Variants in EHF observed in about 807,000 individuals in gnomAD.
EHF encodes ETS homologous factor, also known as ESE3 transcription factor.
Under a neutral mutation model 45.1 loss-of-function variants are expected in EHF, and 14 were observed. That is an observed-to-expected ratio of 0.31 (90% CI 0.21 to 0.49). The LOEUF is 0.49. Ranked by LOEUF, EHF falls within the 20% of genes least tolerant of loss-of-function variation. EHF has a pLI of 0.99. For synonymous variants in EHF, 136 were observed against 131.8 expected (o/e 1.03, Z -0.22); for missense variants, 282 against 371.4 (o/e 0.76, Z 1.98).
intron 1 of EHF, among the ~76,000 whole-genome samples, chr11:34,626,046 T>C (rs1852349101): frequency 6.6e-6 from 1 of 152,346 alleles, no homozygotes; most frequent in African/African-American, 2.4e-5. Context: ...ACAGACCACC[T>C]CATTAACCCT....
chr11:34,647,049 A>AAAAAAAC (rs920214722), intron 3 of EHF, among the ~76,000 whole-genome samples: 13 of 151,282 alleles, frequency 8.6e-5, no homozygotes, highest in Non-Finnish European at 1.0e-4. Flanking sequence ...GGTTACAAAA[A>AAAAAAAC]AAAAAACAAA....
intron 1 of EHF, among the ~76,000 whole-genome samples, chr11:34,637,946 G>C (rs1056635624): frequency 1.3e-5 from 2 of 149,900 alleles, no homozygotes; most frequent in Non-Finnish European, 2.9e-5. Context: ...CTGTTGCCCA[G>C]GCTGGAGTAC....
At chr11:34,622,555 C>T (rs1432128805) in intron 1 of EHF, 1 of 313,804 alleles carries the variant, frequency 3.2e-6, no homozygotes, top group East Asian at 1.3e-4. Context: ...GGAAGAATTT[C>T]ATGGCTAGGA....
At chr11:34,654,734 T>C (rs1590543666) in intron 6 of EHF, among the ~76,000 whole-genome samples, 2 of 152,152 alleles carry the variant, frequency 1.3e-5, no homozygotes, top group Admixed American at 6.5e-5. Context: ...TGCATTTTTT[T>C]CTGAGGAGAG....
chr11:34,622,232 C>A, intron 1 of EHF: 1 of 244,934 alleles, frequency 4.1e-6, no homozygotes. Flanking sequence ...GCTGATTTAC[C>A]ATGCTCCCAG....
At chr11:34,645,022 G>A (rs1047764597) in intron 2 of EHF, among the ~76,000 whole-genome samples, 4 of 152,182 alleles carry the variant, frequency 2.6e-5, no homozygotes, top group Non-Finnish European at 5.9e-5. Flanking sequence ...GTCACGTTCT[G>A]TTGGATTTCC....
At position 34,659,033 on chromosome 11, in the gene EHF, T is replaced by A; in HGVS notation, c.*102T>A. 1 of 886,174 alleles carries A rather than the reference T, an allele frequency of 1.1e-6. No individual in the cohort carries two copies. Among genetic ancestry groups the A allele is most frequent in the Non-Finnish European group, 1.7e-6 (1 of 587,806 alleles). 54.9% of individuals were successfully genotyped at this position (886,174 alleles called of 1,614,324 possible). A position where few individuals can be genotyped will look rare whatever the true frequency, so the allele number is the denominator to read the frequency against. On this transcript the variant is annotated 3_prime_UTR_variant, in exon 9 of 9. Transcript: ENST00000257831. ...TCAAAGACTACTTTTCTCTGATATT[T>A]ATGTACCATGAGGGGAACAAGAAAC...
intron 2 of EHF, among the ~76,000 whole-genome samples, chr11:34,643,459 T>C (rs1854223868): frequency 6.6e-6 from 1 of 152,202 alleles, no homozygotes; most frequent in Non-Finnish European, 1.5e-5. Context: ...TCTGGGCCTC[T>C]TCTCAATCCA....
chr11:34,638,336 AC>A (rs1853653451), intron 1 of EHF, among the ~76,000 whole-genome samples: 1 of 152,182 alleles, frequency 6.6e-6, no homozygotes, highest in African/African-American at 2.4e-5. Flanking sequence ...TGGCTCTGAT[AC>A]CCAGTGTATT....
Position 34,659,917 on chromosome 11 carries a change from AC to A in EHF, c.*992del. The A allele has an allele frequency of 6.6e-6, 1 of 151,990 alleles. No homozygotes were observed. The highest frequency in any genetic ancestry group is 6.6e-5 in the Admixed American group (1 of 15,246). The allele number at this position is 151,990 out of a possible 1,614,324, so 9.4% of individuals were successfully genotyped here. ...GGTCTCTAACCACTTGACACCAGAA[AC>A]CCCCCAGCTGTGATAACGCAAAATG... On this transcript the variant is annotated 3_prime_UTR_variant, in exon 9 of 9. Transcript: ENST00000257831.
rs1856175712 is a variant in EHF, at chr11:34,662,926, A to G, written c.*3995A>G. ...AATTATCCTCAGTGTAGCTTCTTGGAATTCAGTTTCTGGAACTAGAGATAG... is the reference window on the plus strand; with the variant it reads ...AATTATCCTCAGTGTAGCTTCTTGGGATTCAGTTTCTGGAACTAGAGATAG... On this transcript the variant is annotated 3_prime_UTR_variant, in exon 9 of 9. Coordinates refer to ENST00000257831, the MANE Select transcript of EHF (RefSeq NM_012153.6). 6.6e-6 allele frequency among the ~76,000 whole-genome samples: 1 copy of G among 152,114 alleles called. No homozygotes were observed. Among genetic ancestry groups the G allele is most frequent in the Non-Finnish European group, 1.5e-5 (1 of 68,012 alleles).
intron 1 of EHF, chr11:34,622,143 T>C: frequency 4.5e-6 from 1 of 223,424 alleles, no homozygotes; most frequent in Non-Finnish European, 9.0e-6. Flanking sequence ...TGGACTGATC[T>C]GGGAACAGTG....
At chr11:34,636,755 G>C (rs372225416) in intron 1 of EHF, among the ~76,000 whole-genome samples, 2 of 152,234 alleles carry the variant, frequency 1.3e-5, no homozygotes, top group East Asian at 3.9e-4. Context: ...CACCACGGCC[G>C]GGCCCGGTGG....
Position 34,662,008 on chromosome 11 carries a change from A to G in EHF, c.*3077A>G, listed in dbSNP as rs1049786297. On this transcript the variant is annotated 3_prime_UTR_variant, in exon 9 of 9. Transcript: ENST00000257831. ...TAAGCAACAGTTTCTTGAATGTGCC[A>G]TCTGAGAAGGGAGACCCAGGTTGTG... Among the ~76,000 whole-genome samples, 1 of 152,154 alleles carries G rather than the reference A, an allele frequency of 6.6e-6. No individual in the cohort carries two copies. The highest frequency in any genetic ancestry group is 1.5e-5 in the Non-Finnish European group (1 of 68,010).
chr11:34,622,876 G>C (rs1386491934), intron 1 of EHF, among the ~76,000 whole-genome samples: 1 of 152,142 alleles, frequency 6.6e-6, no homozygotes, highest in East Asian at 1.9e-4. Flanking sequence ...ATTTTACAGA[G>C]GCATTTTAAA....
At chr11:34,644,339 T>C (rs909655527) in intron 2 of EHF, among the ~76,000 whole-genome samples, 3 of 152,202 alleles carry the variant, frequency 2.0e-5, no homozygotes, top group African/African-American at 7.2e-5. Context: ...ACAGCTTTAT[T>C]TGTGAGGCAC....
At chr11:34,641,544 A>C (rs182699973) in intron 1 of EHF, among the ~76,000 whole-genome samples, 222 of 152,252 alleles carry the variant, frequency 1.5e-3, no homozygotes, top group Non-Finnish European at 2.5e-3. Context: ...AAATTTCCCC[A>C]AAACAAGCAG....
intron 2 of EHF, among the ~76,000 whole-genome samples, chr11:34,643,191 G>C (rs573962818): frequency 6.6e-6 from 1 of 152,136 alleles, no homozygotes; most frequent in African/African-American, 2.4e-5. Context: ...CAAGGGGAGA[G>C]GAGATTTGTA....
Position 34,659,091 on chromosome 11 carries a change from G to T in EHF, c.*160G>T. The T allele has an allele frequency of 1.8e-6, 1 of 560,456 alleles. No homozygotes were observed. 34.7% of individuals were successfully genotyped at this position (560,456 alleles called of 1,614,324 possible). ...AACGGGAAGAAGAAACACTACGGTC[G>T]ATTAAAAAAATTATTTTGTTACTTC... is the stretch of plus-strand genomic sequence containing the variant. On this transcript the variant is annotated 3_prime_UTR_variant, in exon 9 of 9. Coordinates refer to ENST00000257831, the MANE Select transcript of EHF (RefSeq NM_012153.6).
Sources: gnomAD v4.1 joint callset for allele counts (sites outside exome capture counted in the v4.1 genomes callset) on GRCh38, gnomAD v4.1.1 for gene constraint, MANE v1.5 for transcripts, NCBI Gene and HGNC (gene_info 2026-07-23, HGNC 2026-07-21) for gene names.